Variants in TJP1 observed in about 807,000 individuals in gnomAD.
TJP1 encodes tight junction protein ZO-1.
In TJP1, 43 loss-of-function variants were observed where a neutral mutation model predicts 194.2. The ratio of observed to expected loss-of-function variants is 0.22; its 90% confidence interval spans 0.17 to 0.29. The LOEUF (loss-of-function observed/expected upper bound fraction) is 0.29. Among genes scored for constraint, TJP1 ranks in the 10% least tolerant of loss-of-function variants. The pLI is 1.00. For missense variants in TJP1, 1,971 were observed against 2,185.7 expected, an observed-to-expected ratio of 0.90 and a Z score of 1.96; for synonymous variants, 801 against 779.0, an observed-to-expected ratio of 1.03 and a Z score of -0.47.
chr15:29,779,748 A>G lies in TJP1; in HGVS notation c.85-6391T>C, dbSNP rs572687601. Among the ~76,000 whole-genome samples the G allele has an allele frequency of 1.3e-3, 192 of 152,344 alleles. 2 individuals carry two copies. In the Middle Eastern group the frequency reaches 0.027, roughly 22 times the overall value. On this transcript the variant is annotated intron_variant, in intron 2 of 27. Coordinates refer to ENST00000614355, the MANE Select transcript of TJP1 (RefSeq NM_001330239.4). ...CAGAATTCTGGAAAAATTAGCAGCA[A>G]TGAGAGTAGGCATGAATGAATCTTC... is the stretch of plus-strand genomic sequence containing the variant.
At chr15:29,765,078 A>G (rs2046250911) in intron 5 of TJP1, among the ~76,000 whole-genome samples, 1 of 152,202 alleles carries the variant, frequency 6.6e-6, no homozygotes, top group Admixed American at 6.5e-5. Flanking sequence ...ACAGAAAGAT[A>G]CAGTACTACC....
At position 29,732,632 on chromosome 15, in the gene TJP1, T is replaced by G; in HGVS notation, c.1920A>C (p.Glu640Asp). The stretch of plus-strand genomic sequence containing the variant: ...GTTAGTCTGTAGAAAATAAACTACC[T>G]TCTCGAAGAACCACTCTTTCATAAG... ...FPAYERVVLR[E>D]AGFLRPVTIF... is the part of the protein sequence containing the mutation. The change falls in exon 14 of 28, where the codon GAA becomes GAC. Residue 640 changes from glutamate to aspartate, a missense_variant and splice_region_variant. This residue lies in a region of TJP1 where 402 missense variants were observed against 484.2 expected (regional missense o/e 0.83). Transcript: ENST00000614355. 2.5e-6 allele frequency: 4 copies of G among 1,613,914 alleles called. No homozygotes were observed. The highest frequency in any genetic ancestry group is 3.4e-6 in the Non-Finnish European group (4 of 1,179,926).
chr15:29,827,202 A>C (rs61747377), upstream of TJP1, among the ~76,000 whole-genome samples: 280 of 152,312 alleles, frequency 1.8e-3, no homozygotes, highest in African/African-American at 6.1e-3. Context: ...AGATCCAGTC[A>C]TGGAGGTTTA....
chr15:29,815,661 G>A (rs138792368), intron 1 of TJP1, among the ~76,000 whole-genome samples: 567 of 152,318 alleles, frequency 3.7e-3, no homozygotes, highest in Non-Finnish European at 6.9e-3. Flanking sequence ...TCAGTAAGGT[G>A]AATTTTTATC....
upstream of TJP1, chr15:29,822,543 A>AGGCGGGGAGGG (rs1370797918): frequency 4.5e-5 from 34 of 759,770 alleles, no homozygotes; most frequent in African/African-American, 5.9e-4. Context: ...AGGCGAGGCG[A>AGGCGGGGAGGG]GGCGGGGAGG....
intron 2 of TJP1, among the ~76,000 whole-genome samples, chr15:29,930,039 A>T (rs2054656775): frequency 6.6e-6 from 1 of 152,228 alleles, no homozygotes; most frequent in Admixed American, 6.5e-5. Context: ...GAAGAAATGT[A>T]AAACTTGAAC....
intron 2 of TJP1, among the ~76,000 whole-genome samples, chr15:29,838,174 C>A (rs2051100142): frequency 6.6e-6 from 1 of 152,136 alleles, no homozygotes; most frequent in African/African-American, 2.4e-5. Flanking sequence ...CCTGTAATCC[C>A]AGCATTTTGG....
exon 1 of TJP1, chr15:29,968,710 G>C: frequency 3.3e-6 from 4 of 1,208,006 alleles, no homozygotes; most frequent in Non-Finnish European, 4.2e-6. Flanking sequence ...CGGTTGGAGG[G>C]GGTGACGCCG....
intron 1 of TJP1, among the ~76,000 whole-genome samples, chr15:29,966,883 T>A (rs2056352401): frequency 6.6e-6 from 1 of 152,216 alleles, no homozygotes. Context: ...GATCTTCAAA[T>A]GTTACCCCTT....
At chr15:29,949,610 TTCA>T (rs1431293218) in intron 2 of TJP1, among the ~76,000 whole-genome samples, 8 of 22,938 alleles carry the variant, frequency 3.5e-4, no homozygotes, top group Admixed American at 5.0e-4. Flanking sequence ...CACCTCCACC[TTCA>T]CCACCACCAC....
intron 2 of TJP1, among the ~76,000 whole-genome samples, chr15:29,835,889 A>AAGAGAG (rs143484883): frequency 1.3e-5 from 2 of 149,524 alleles, no homozygotes; most frequent in Non-Finnish European, 3.0e-5. Flanking sequence ...TGGACGGGGA[A>AAGAGAG]AGAGAGAGAG....
chr15:29,755,161 C>CAGT (rs1366467381), intron 8 of TJP1, among the ~76,000 whole-genome samples: 1 of 152,140 alleles, frequency 6.6e-6, no homozygotes, highest in East Asian at 1.9e-4. Context: ...GTATTTGGTA[C>CAGT]AGTAACCTGC....
intron 2 of TJP1, among the ~76,000 whole-genome samples, chr15:29,954,188 C>CCATA (rs933717188): frequency 1.6e-4 from 24 of 152,252 alleles, no homozygotes; most frequent in African/African-American, 5.8e-4. Flanking sequence ...AATAAACTCT[C>CCATA]CATAATTTTA....
chr15:29,847,717 G>A (rs572979849), intron 2 of TJP1, among the ~76,000 whole-genome samples: 8 of 152,228 alleles, frequency 5.3e-5, no homozygotes, highest in South Asian at 2.1e-4. Flanking sequence ...CCCGGGAGGC[G>A]GAGGTTGCAG....
chr15:29,790,818 A>G (rs1470354026), intron 2 of TJP1, among the ~76,000 whole-genome samples: 5 of 129,296 alleles, frequency 3.9e-5, no homozygotes, highest in Non-Finnish European at 4.9e-5. Flanking sequence ...TGCCTGGCTT[A>G]TTTCATTTAA....
intron 2 of TJP1, among the ~76,000 whole-genome samples, chr15:29,949,517 T>TCCACCTCCACAACCACCACCTCCACAA (rs2055497340): frequency 4.8e-5 from 1 of 20,760 alleles, no homozygotes; most frequent in Non-Finnish European, 8.8e-5. Context: ...CACCTCCACC[T>TCCACCTCCACAACCACCACCTCCACAA]CCACCACCAC....
At position 29,773,233 on chromosome 15, in the gene TJP1, T is replaced by C. The variant is rs1334029979; in HGVS notation, c.209A>G (p.Gln70Arg). ...TGCCCACGATAAGCAGCACTCTTAC[T>C]GTAGCTGTCCTTCAGCTGGTCCTCC... ...LKGGPAEGQL[Q>R]ENDRVAMVNG... Residue 70 changes from glutamine to arginine, a missense_variant and splice_region_variant, in exon 3 of 28, where the codon CAG (glutamine) becomes CGG (arginine). Physicochemically the swap from Gln to Arg is conservative, Grantham distance 43 (BLOSUM62 1). Transcript: ENST00000614355. The C allele has an allele frequency of 1.4e-5, 22 of 1,613,776 alleles. No homozygotes were observed. Among genetic ancestry groups the C allele is most frequent in the Non-Finnish European group, 1.9e-5 (22 of 1,179,824 alleles).
At chr15:29,868,213 C>T (rs1285985787) in intron 2 of TJP1, among the ~76,000 whole-genome samples, 1 of 152,118 alleles carries the variant, frequency 6.6e-6, no homozygotes, top group Non-Finnish European at 1.5e-5. Flanking sequence ...GAGTGAGACC[C>T]TCTCTCAAAA....
At chr15:29,748,976 T>C (rs1442047465) in intron 8 of TJP1, among the ~76,000 whole-genome samples, 6 of 147,144 alleles carry the variant, frequency 4.1e-5, no homozygotes, top group South Asian at 2.2e-4. Flanking sequence ...GCGCGCGCGT[T>C]TGCTATTATG....
Sources: allele counts gnomAD v4.1 joint callset (sites outside exome capture counted in the v4.1 genomes callset), GRCh38; gene constraint gnomAD v4.1.1; regional missense constraint gnomAD v4.1.1; transcripts MANE v1.5; gene names NCBI Gene and HGNC (gene_info 2026-07-23, HGNC 2026-07-21).